Variants in GULP1 observed in about 807,000 individuals in gnomAD.
GULP1 encodes GULP PTB domain containing engulfment adaptor 1, also known as PTB domain-containing engulfment adapter protein 1.
GULP1 carries 19 observed loss-of-function variants against 40.9 expected under a neutral mutation model. That is an observed-to-expected ratio of 0.46 (90% CI 0.32 to 0.68). The LOEUF is 0.68. Ranked by LOEUF, GULP1 falls within the 30% of genes least tolerant of loss-of-function variation. The pLI, the probability that GULP1 is intolerant of heterozygous loss-of-function variation, is 0.03. For synonymous variants in GULP1, 119 were observed against 117.6 expected, an observed-to-expected ratio of 1.01 and a Z score of -0.08; for missense variants, 312 against 362.2, an observed-to-expected ratio of 0.86 and a Z score of 1.12.
intron 2 of GULP1, among the ~76,000 whole-genome samples, chr2:188,422,211 A>G (rs180730429): frequency 1.3e-5 from 2 of 150,884 alleles, no homozygotes; most frequent in Non-Finnish European, 3.0e-5. Context: ...AAATTCTCCT[A>G]ATTTTTTTCA....
chr2:188,569,502 T>C (rs1021992717), intron 8 of GULP1, 147 bp downstream of exon 8: 9 of 656,156 alleles, frequency 1.4e-5, no homozygotes, highest in Non-Finnish European at 1.9e-5. Flanking sequence ...CCATAATTTT[T>C]CGTTCCTGAT....
At chr2:188,506,317 A>T (rs2063908668) in intron 4 of GULP1, among the ~76,000 whole-genome samples, 2 of 151,852 alleles carry the variant, frequency 1.3e-5, no homozygotes, top group Admixed American at 1.3e-4. Flanking sequence ...TGATAAATAT[A>T]TTTTCCTACT....
intron 1 of GULP1, among the ~76,000 whole-genome samples, chr2:188,364,737 T>A (rs1363664559): frequency 6.6e-6 from 1 of 150,520 alleles, no homozygotes. Context: ...CATATACATA[T>A]CTATATATAT....
At chr2:188,445,146 G>C (rs1048731305) in intron 2 of GULP1, among the ~76,000 whole-genome samples, 5 of 152,146 alleles carry the variant, frequency 3.3e-5, no homozygotes, top group African/African-American at 9.7e-5. Context: ...GTTTCTTGCT[G>C]TGATGGGTGC....
intron 5 of GULP1, among the ~76,000 whole-genome samples, chr2:188,526,609 AAGGC>A (rs1686217576): frequency 6.6e-6 from 1 of 152,130 alleles, no homozygotes; most frequent in African/African-American, 2.4e-5. Flanking sequence ...AAAAAAAAGA[AAGGC>A]AGGAAGGAGA....
At chr2:188,461,520 G>T (rs961022950) in intron 2 of GULP1, among the ~76,000 whole-genome samples, 14 of 151,704 alleles carry the variant, frequency 9.2e-5, no homozygotes, top group African/African-American at 3.4e-4. Flanking sequence ...GGTCAGGCTG[G>T]ACTCAAACTC....
rs548382331 is a variant in GULP1 at position 188,501,586 on chromosome 2, A to G, written c.90+18094A>G. Among the ~76,000 whole-genome samples, 5 of 152,080 alleles carry G rather than the reference A, an allele frequency of 3.3e-5. No homozygotes were observed. In the East Asian group the frequency reaches 9.7e-4, roughly 30 times the overall value. On this transcript the variant is annotated intron_variant, in intron 4 of 11. Coordinates refer to ENST00000409830, the MANE Select transcript of GULP1 (RefSeq NM_016315.4). ...CTTCTAATCACTATAGCATGCCACCAGGTATGAGACCTCTAAGACCTTTGT... is the reference window on the plus strand; with the variant it reads ...CTTCTAATCACTATAGCATGCCACCGGGTATGAGACCTCTAAGACCTTTGT...
intron 11 of GULP1, chr2:188,592,114 C>T (rs1463775402): frequency 6.6e-6 from 1 of 151,896 alleles, no homozygotes; most frequent in African/African-American, 2.4e-5. Context: ...TAGTGATTGA[C>T]CTCTGTTTTA....
intron 2 of GULP1, among the ~76,000 whole-genome samples, chr2:188,453,087 G>A (rs1033958742): frequency 4.0e-5 from 6 of 151,778 alleles, no homozygotes; most frequent in African/African-American, 1.5e-4. Context: ...CAAAGTGCTA[G>A]GATTACAGGT....
At chr2:188,505,567 T>G (rs2153177100) in intron 4 of GULP1, among the ~76,000 whole-genome samples, 1 of 151,794 alleles carries the variant, frequency 6.6e-6, no homozygotes, top group East Asian at 1.9e-4. Context: ...CACACTCTTC[T>G]GAGGTACTGA....
At chr2:188,582,750 G>A (rs1251475994) in intron 9 of GULP1, among the ~76,000 whole-genome samples, 1 of 152,202 alleles carries the variant, frequency 6.6e-6, no homozygotes, top group Non-Finnish European at 1.5e-5. Flanking sequence ...GTTTCAAGTA[G>A]AGGGTGGTGA....
At chr2:188,575,755 ATT>A (rs5837096) in intron 9 of GULP1, among the ~76,000 whole-genome samples, 1 of 151,788 alleles carries the variant, frequency 6.6e-6, no homozygotes, top group South Asian at 2.1e-4. Context: ...AAGGATTGGT[ATT>A]TTTTTTTAAT....
intron 9 of GULP1, among the ~76,000 whole-genome samples, chr2:188,571,156 CA>C (rs554476560): frequency 6.6e-6 from 1 of 151,436 alleles, no homozygotes; most frequent in Non-Finnish European, 1.5e-5. Flanking sequence ...GACTCTGTTT[CA>C]AAAAAAATTA....
At chr2:188,399,015 T>C (rs2051701688) in intron 2 of GULP1, among the ~76,000 whole-genome samples, 1 of 152,218 alleles carries the variant, frequency 6.6e-6, no homozygotes, top group Non-Finnish European at 1.5e-5. Flanking sequence ...TAGAAACTTT[T>C]TGATCAGGCA....
At chr2:188,502,662 C>T (rs1315023089) in intron 4 of GULP1, among the ~76,000 whole-genome samples, 1 of 151,826 alleles carries the variant, frequency 6.6e-6, no homozygotes, top group African/African-American at 2.4e-5. Flanking sequence ...GAAATCATCT[C>T]CTTCTTTATA....
chr2:188,296,303 G>A (rs761780992), intron 1 of GULP1, among the ~76,000 whole-genome samples: 5 of 152,192 alleles, frequency 3.3e-5, no homozygotes, highest in East Asian at 1.9e-4. Flanking sequence ...TTTTTAAAGA[G>A]AATGGCTAAA....
chr2:188,389,531 T>C (rs1488182504), intron 2 of GULP1, among the ~76,000 whole-genome samples: 2 of 152,154 alleles, frequency 1.3e-5, no homozygotes, highest in African/African-American at 2.4e-5. Context: ...TTATGAGTCT[T>C]AGTGTAATGG....
chr2:188,519,106 T>A (rs1663653512), intron 4 of GULP1, among the ~76,000 whole-genome samples: 2 of 152,162 alleles, frequency 1.3e-5, no homozygotes. Flanking sequence ...AGCATGATTG[T>A]CCTATAGGTT....
intron 9 of GULP1, 33 bp from the exon 10 acceptor site, chr2:188,584,232 A>C: frequency 6.7e-7 from 1 of 1,486,024 alleles, no homozygotes; most frequent in Non-Finnish European, 9.3e-7. Flanking sequence ...GTCTATATGA[A>C]ATATTACCCT....
Sources: allele counts gnomAD v4.1 joint callset (sites outside exome capture counted in the v4.1 genomes callset), GRCh38; gene constraint gnomAD v4.1.1; transcripts MANE v1.5; gene names NCBI Gene and HGNC (gene_info 2026-07-23, HGNC 2026-07-21).